Variants in CIT observed in about 807,000 individuals in gnomAD.
The protein encoded by CIT is citron Rho-interacting kinase.
In CIT, 79 loss-of-function variants were observed where a neutral mutation model predicts 272.7. The ratio of observed to expected loss-of-function variants is 0.29; its 90% CI spans 0.24 to 0.35. CIT has a LOEUF of 0.35. CIT is among the 10% of genes least tolerant of loss of function. The pLI, the probability that CIT is intolerant of heterozygous loss-of-function variation, is 1.00. For synonymous variants in CIT, 948 were observed against 995.6 expected (o/e 0.95, Z 0.90); for missense variants, 1,909 against 2,618.3 (o/e 0.73, Z 5.91).
rs278105 is a variant in CIT at position 119,731,213 on chromosome 12, G to A, written c.3351-583C>T. On this transcript the variant is annotated intron_variant, in intron 26 of 47. Transcript: ENST00000392521. ...CTTGAGGCTGGGTGCAGTGGCTCACGCCTGTAATCCCAACACTTCGGGAGG... is the reference window on the plus strand; with the variant it reads ...CTTGAGGCTGGGTGCAGTGGCTCACACCTGTAATCCCAACACTTCGGGAGG... Among the ~76,000 whole-genome samples the A allele has an allele frequency of 7.8e-3, 1,181 of 152,126 alleles. 18 individuals carry two copies. The highest frequency in any genetic ancestry group is 0.027 in the African/African-American group (1,121 of 41,486).
At chr12:119,790,039 T>C (rs190039516) in intron 10 of CIT, among the ~76,000 whole-genome samples, 5 of 152,144 alleles carry the variant, frequency 3.3e-5, no homozygotes, top group Admixed American at 3.3e-4. Context: ...AGATTTTTAT[T>C]AGCCATCCTT....
chr12:119,777,438 G>A (rs987688189), intron 13 of CIT, among the ~76,000 whole-genome samples: 4 of 152,092 alleles, frequency 2.6e-5, no homozygotes, highest in African/African-American at 4.8e-5. Context: ...TTGGGAGGCT[G>A]AGGCAGGCGG....
At position 119,784,649 on chromosome 12, in the gene CIT, T is replaced by G. The variant is rs1593733403; in HGVS notation, c.1401+311A>C. The G allele has an allele frequency of 8.0e-6, 10 of 1,254,632 alleles. No individual in the cohort carries two copies. In the African/African-American group the frequency reaches 1.2e-4, roughly 15 times the overall value. 77.7% of individuals were successfully genotyped at this position (1,254,632 alleles called of 1,614,324 possible). A position where few individuals can be genotyped will look rare whatever the true frequency, so the allele number is the denominator to read the frequency against. ...CGCATCACTCAAAGCAGATGGGATG[T>G]ATCTCAGCCACAGGTGAGGACCCAG... On this transcript the variant is annotated intron_variant, in intron 11 of 47. Coordinates refer to ENST00000392521, the MANE Select transcript of CIT (RefSeq NM_001206999.2). The surrounding 1 kb of genome is among the most constrained non-coding windows in gnomAD (Gnocchi z 4.7).
In CIT at chr12:119,860,204, C is replaced by T. The variant is rs150846970; in HGVS notation, c.239-2506G>A. ...CTGTGTCAGAGGCTTATAATGAGTGCCGCGGTATTGAGAGTCTTCTCAGCC... is the reference window on the plus strand; with the variant it reads ...CTGTGTCAGAGGCTTATAATGAGTGTCGCGGTATTGAGAGTCTTCTCAGCC... On this transcript the variant is annotated intron_variant, in intron 3 of 47. Transcript: ENST00000392521. Among the ~76,000 whole-genome samples the T allele has an allele frequency of 2.7e-3, 410 of 152,176 alleles. 3 individuals carry two copies. The Middle Eastern group carries it at 0.027, about 10-fold the overall frequency.
chr12:119,705,998 G>C (rs781388390), intron 40 of CIT, among the ~76,000 whole-genome samples: 2 of 146,578 alleles, frequency 1.4e-5, no homozygotes, highest in Non-Finnish European at 3.0e-5. Flanking sequence ...GCTGAAGAGG[G>C]AGAATCGCTT....
intron 10 of CIT, among the ~76,000 whole-genome samples, chr12:119,794,181 C>T (rs1041941321): frequency 3.9e-5 from 6 of 152,112 alleles, no homozygotes; most frequent in Non-Finnish European, 8.8e-5. Context: ...CTTTGTTTCT[C>T]CCCACCAAAT....
At chr12:119,803,768 G>C (rs1007356579) in intron 9 of CIT, among the ~76,000 whole-genome samples, 6 of 152,282 alleles carry the variant, frequency 3.9e-5, no homozygotes, top group Middle Eastern at 3.4e-3. Context: ...GATGCTAGGA[G>C]ACCTAAACCT....
intron 30 of CIT, 144 bp downstream of exon 30, chr12:119,720,334 A>C (rs989106639): frequency 1.6e-5 from 10 of 622,020 alleles, no homozygotes; most frequent in Non-Finnish European, 2.5e-5. Context: ...CTCAAAATCT[A>C]TTTTTCAACC....
At chr12:119,730,316 G>T (rs1056197865) in intron 27 of CIT, among the ~76,000 whole-genome samples, 179 bp downstream of exon 27, 1 of 148,850 alleles carries the variant, frequency 6.7e-6, no homozygotes, top group Non-Finnish European at 1.5e-5. Flanking sequence ...ACCCACCCAC[G>T]CTACTGCCAA....
intron 13 of CIT, among the ~76,000 whole-genome samples, chr12:119,778,843 C>G (rs964316448): frequency 6.6e-6 from 1 of 152,176 alleles, no homozygotes; most frequent in Admixed American, 6.5e-5. Flanking sequence ...ATGGGGCACA[C>G]AGGTTTCCTG....
Position 119,818,984 on chromosome 12 carries a change from C to T in CIT, c.1111+3836G>A, listed in dbSNP as rs547997187. Among the ~76,000 whole-genome samples, 25 of 152,242 alleles carry T rather than the reference C, an allele frequency of 1.6e-4. No individual in the cohort carries two copies. In the South Asian group the frequency reaches 5.2e-3, roughly 32 times the overall value. Reference sequence around the variant, plus strand: ...GGCAAGGTAAGCATAATCCCAAAGGCATGAAAGAGGAGCTCTGATTGGCTT... The same window carrying T: ...GGCAAGGTAAGCATAATCCCAAAGGTATGAAAGAGGAGCTCTGATTGGCTT... On this transcript the variant is annotated intron_variant, in intron 9 of 47. Coordinates refer to ENST00000392521, the MANE Select transcript of CIT (RefSeq NM_001206999.2).
intron 39 of CIT, among the ~76,000 whole-genome samples, 156 bp from the exon 40 acceptor site, chr12:119,708,474 G>A (rs1270657992): frequency 6.6e-6 from 1 of 151,850 alleles, no homozygotes; most frequent in African/African-American, 2.4e-5. Flanking sequence ...TTAGGTCCAT[G>A]ATTTATTTAT....
chr12:119,744,176 AC>A (rs1490040796), intron 23 of CIT, among the ~76,000 whole-genome samples: 2 of 152,132 alleles, frequency 1.3e-5, no homozygotes, highest in East Asian at 1.9e-4. Flanking sequence ...AAACAAACAA[AC>A]CAAACAGAGA....
chr12:119,869,153 C>A lies in CIT; in HGVS notation c.145G>T (p.Glu49Ter). The A allele has an allele frequency of 6.2e-7, 1 of 1,613,114 alleles. No homozygotes were observed. The highest frequency in any genetic ancestry group is 8.5e-7 in the Non-Finnish European group (1 of 1,179,752). ...ACAAAGAGGGCATCTAATATCCCTT[C>A]TCGGGAAAGAGGAGACATCTGCTGT... is the stretch of plus-strand genomic sequence containing the variant. Reference protein sequence around the residue: ...TQQQMSPLSREGILDALFVLF... With the variant: ...TQQQMSPLSR The change falls in exon 3 of 48, where the codon GAA (glutamate) becomes TAA (stop). Residue 49 changes from glutamate to a stop codon, truncating the protein, a stop_gained. Transcript: ENST00000392521. LOFTEE classifies it high-confidence loss of function.
intron 26 of CIT, 62 bp downstream of exon 26, chr12:119,734,102 A>G: frequency 8.4e-6 from 13 of 1,541,960 alleles, no homozygotes; most frequent in Non-Finnish European, 1.1e-5. Flanking sequence ...CCTGTCCACA[A>G]CTCTCAGGCC....
At position 119,832,851 on chromosome 12, in the gene CIT, C is replaced by A. The variant is rs1968741834; in HGVS notation, c.673G>T (p.Glu225Ter). 2 of 1,613,752 alleles carry A rather than the reference C, an allele frequency of 1.2e-6. No individual in the cohort carries two copies. Among genetic ancestry groups the A allele is most frequent in the African/African-American group, 2.7e-5 (2 of 74,938 alleles). The change falls in exon 7 of 48, where the codon GAG (glutamate) becomes TAG (stop). Residue 225 changes from glutamate (E) to a stop codon, truncating the protein, a stop_gained. Transcript: ENST00000392521. LOFTEE classifies it high-confidence loss of function. ...MGYVHRDIKPENILVDRTGHI... is the reference protein window; with the variant it reads ...MGYVHRDIKP Reference sequence around the variant, plus strand: ...CCTGTGCGGTCAACGAGAATGTTCTCAGGCTTGATGTCTCTGTAAGAAAAT... The same window carrying A: ...CCTGTGCGGTCAACGAGAATGTTCTAAGGCTTGATGTCTCTGTAAGAAAAT...
intron 19 of CIT, among the ~76,000 whole-genome samples, chr12:119,765,219 C>T (rs919695609): frequency 8.6e-5 from 13 of 151,782 alleles, no homozygotes; most frequent in African/African-American, 2.9e-4. Context: ...CTCAAAAGCC[C>T]GGGAGACCCC....
At chr12:119,776,288 C>G in intron 15 of CIT, 70 bp downstream of exon 15, 1 of 1,118,210 alleles carries the variant, frequency 8.9e-7, no homozygotes, top group Non-Finnish European at 1.4e-6. Flanking sequence ...AATGATGGGC[C>G]ACTGATAATA....
At chr12:119,839,745 G>A (rs12309352) in intron 5 of CIT, among the ~76,000 whole-genome samples, 3,255 of 152,218 alleles carry the variant, frequency 0.021, 114 homozygotes, top group African/African-American at 0.074. Flanking sequence ...AATTGAGGAC[G>A]TTCATTAGGG....
Sources: gnomAD v4.1 joint callset for allele counts (sites outside exome capture counted in the v4.1 genomes callset) on GRCh38, gnomAD v4.1.1 for gene constraint, Gnocchi (gnomAD v3.1) non-coding constraint, MANE v1.5 for transcripts, NCBI Gene and HGNC (gene_info 2026-07-23, HGNC 2026-07-21) for gene names.